RAP1GAP: variants seen among roughly 807,000 people sequenced by gnomAD.
The protein encoded by RAP1GAP is RAP1 GTPase activating protein.
In RAP1GAP, 35 loss-of-function variants were observed where a neutral mutation model predicts 87.2. The observed-to-expected ratio is 0.40, with a 90% confidence interval of 0.31 to 0.53. The LOEUF (loss-of-function observed/expected upper bound fraction) is 0.53, where lower values mean the gene tolerates loss of function less well. Ranked by LOEUF, RAP1GAP falls within the 20% of genes least tolerant of loss-of-function variation. The pLI is 0.48. For missense variants in RAP1GAP, 734 were observed against 898.9 expected (o/e 0.82, Z 2.35); for synonymous variants, 375 against 363.9 (o/e 1.03, Z -0.35).
At position 21,609,330 on chromosome 1, in the gene RAP1GAP, G is replaced by A. The variant is rs2076746044; in HGVS notation, c.1071+245C>T. ...ACTGTCAGAAAGAGAACAGAAATGA[G>A]GAGAGGCCAGTCTACTATGGAAAGT... On this transcript the variant is annotated intron_variant, in intron 15 of 24. Transcript: ENST00000374765. This position sits in a 1 kb window ranked among gnomAD's most constrained non-coding sequence, Gnocchi z 4.4. Among the ~76,000 whole-genome samples, 1 of 151,884 alleles carries A rather than the reference G, an allele frequency of 6.6e-6. No homozygotes were observed.
At chr1:21,628,400 TAAAAA>T (rs528098037) in intron 2 of RAP1GAP, among the ~76,000 whole-genome samples, 5,205 of 51,108 alleles carry the variant, frequency 0.1, 206 homozygotes, top group Admixed American at 0.15. Flanking sequence ...CCATCTCTAC[TAAAAA>T]AAAAAAAAAA....
chr1:21,656,014 G>T (rs1342467887), intron 1 of RAP1GAP, among the ~76,000 whole-genome samples: 1 of 152,258 alleles, frequency 6.6e-6, no homozygotes, highest in African/African-American at 2.4e-5. Flanking sequence ...GGCAGGAGAG[G>T]AGGCGTCTGG....
At position 21,615,495 on chromosome 1, in the gene RAP1GAP, G is replaced by A. The variant is rs145358087; in HGVS notation, c.292-1406C>T. Among the ~76,000 whole-genome samples the A allele has an allele frequency of 0.012, 1,789 of 152,092 alleles. 48 individuals are homozygous for A. Among genetic ancestry groups the A allele is most frequent in the African/African-American group, 0.041 (1,712 of 41,474 alleles). ...CAATCTCCACCTCCCAGGTTCAAGC[G>A]ATTCTCCTGCCTCAGCCTCCTGAGT... On this transcript the variant is annotated intron_variant, in intron 7 of 24. Transcript: ENST00000374765. This position sits in a 1 kb window ranked among gnomAD's most constrained non-coding sequence, Gnocchi z 4.5.
intron 20 of RAP1GAP, 142 bp from the exon 21 acceptor site, chr1:21,599,759 C>T (rs1570400840): frequency 1.7e-6 from 2 of 1,165,164 alleles, no homozygotes; most frequent in Non-Finnish European, 2.3e-6. Flanking sequence ...GATCCTTGGG[C>T]CTCTGAGCCC....
At chr1:21,619,373 G>T (rs2084962492) in intron 4 of RAP1GAP, among the ~76,000 whole-genome samples, 2 of 151,880 alleles carry the variant, frequency 1.3e-5, no homozygotes, top group Non-Finnish European at 2.9e-5. Flanking sequence ...GGCGGGTGGG[G>T]GGACTGTTAT....
chr1:21,613,513 C>A lies in RAP1GAP; in HGVS notation c.474+115G>T, dbSNP rs537509622. Reference sequence around the variant, plus strand: ...AGTGAGAGACAGCCTCAGGATAGGGCGGCAGGCCAGGGCTAGGGCCTACAG... The same window carrying A: ...AGTGAGAGACAGCCTCAGGATAGGGAGGCAGGCCAGGGCTAGGGCCTACAG... On this transcript the variant is annotated intron_variant, in intron 9 of 24. Coordinates refer to ENST00000374765, the MANE Select transcript of RAP1GAP (RefSeq NM_002885.4). The surrounding 1 kb of genome is among the most constrained non-coding windows in gnomAD (Gnocchi z 4.7). The A allele has an allele frequency of 2.0e-6, 2 of 1,005,880 alleles. No homozygotes were observed. Among genetic ancestry groups the A allele is most frequent in the East Asian group, 2.4e-5 (1 of 42,030 alleles). 62.3% of individuals were successfully genotyped at this position (1,005,880 alleles called of 1,614,324 possible). A position where few individuals can be genotyped will look rare whatever the true frequency, so the allele number is the denominator to read the frequency against.
At chr1:21,623,828 C>CG (rs2090371558) in intron 3 of RAP1GAP, among the ~76,000 whole-genome samples, 3 of 152,214 alleles carry the variant, frequency 2.0e-5, no homozygotes, top group Admixed American at 6.5e-5. Context: ...ACACTGCCCC[C>CG]GGGGGAGGCG....
chr1:21,611,605 C>T (rs775352985), intron 12 of RAP1GAP, 24 bp from the exon 13 acceptor site: 78 of 1,613,854 alleles, frequency 4.8e-5, no homozygotes, highest in Non-Finnish European at 6.0e-5. Flanking sequence ...CCCCAGGCCA[C>T]GCCTCAGTCT....
At chr1:21,627,362 A>G (rs1037265583) in intron 2 of RAP1GAP, among the ~76,000 whole-genome samples, 5 of 151,368 alleles carry the variant, frequency 3.3e-5, no homozygotes. Context: ...GACCCGAAAA[A>G]GTCTGGCCCA....
At chr1:21,661,203 G>A (rs966679052) in intron 1 of RAP1GAP, among the ~76,000 whole-genome samples, 2 of 150,262 alleles carry the variant, frequency 1.3e-5, no homozygotes, top group African/African-American at 4.9e-5. Flanking sequence ...ACTGAGCTGA[G>A]ATCGCACCAC....
At chr1:21,633,388 C>A (rs1558791559) in intron 2 of RAP1GAP, among the ~76,000 whole-genome samples, 1 of 152,220 alleles carries the variant, frequency 6.6e-6, no homozygotes, top group Non-Finnish European at 1.5e-5. Flanking sequence ...TCACAGGCAC[C>A]CCCCCTCTGC....
chr1:21,631,174 C>T (rs1003769416), intron 2 of RAP1GAP, among the ~76,000 whole-genome samples: 1 of 152,208 alleles, frequency 6.6e-6, no homozygotes, highest in Non-Finnish European at 1.5e-5. Flanking sequence ...ATCCCTTCCC[C>T]ACGTCTCCAA....
chr1:21,646,083 G>C (rs2096028774), intron 2 of RAP1GAP, among the ~76,000 whole-genome samples: 1 of 152,236 alleles, frequency 6.6e-6, no homozygotes, highest in African/African-American at 2.4e-5. Context: ...ATGGACAGTA[G>C]TAAGGGACAA....
chr1:21,667,426 A>G (rs1490363446), intron 1 of RAP1GAP, among the ~76,000 whole-genome samples: 2 of 152,204 alleles, frequency 1.3e-5, no homozygotes, highest in African/African-American at 4.8e-5. Flanking sequence ...CTTGGGAAGA[A>G]GAGAAGAGGA....
chr1:21,664,480 C>A (rs765341724), intron 1 of RAP1GAP, among the ~76,000 whole-genome samples: 7 of 152,192 alleles, frequency 4.6e-5, no homozygotes, highest in Non-Finnish European at 1.0e-4. Context: ...ATGAATCCAA[C>A]CCAGTGTCCA....
At chr1:21,652,225 G>A (rs551874291) in intron 1 of RAP1GAP, among the ~76,000 whole-genome samples, 1 of 151,792 alleles carries the variant, frequency 6.6e-6, no homozygotes, top group African/African-American at 2.4e-5. Context: ...ATCACGAGCT[G>A]GGAGCTCCCT....
intron 2 of RAP1GAP, among the ~76,000 whole-genome samples, chr1:21,629,282 G>C (rs1324451158): frequency 1.3e-5 from 2 of 152,146 alleles, no homozygotes; most frequent in African/African-American, 4.8e-5. Context: ...GCTGTTGCTT[G>C]TGATCAGGCT....
At chr1:21,610,381 C>G in intron 13 of RAP1GAP, 106 bp from the exon 14 acceptor site, 1 of 1,210,826 alleles carries the variant, frequency 8.3e-7, no homozygotes, top group Non-Finnish European at 1.2e-6. Context: ...GAGGGCACAT[C>G]TAAGGATTTG....
chr1:21,602,030 C>T lies in RAP1GAP; in HGVS notation c.1539-233G>A, dbSNP rs1401357525. Among the ~76,000 whole-genome samples the T allele has an allele frequency of 4.6e-5, 7 of 152,326 alleles. No individual in the cohort carries two copies. The East Asian group carries it at 1.4e-3, about 29-fold the overall frequency. ...GATGGGACTCCTCCCAGGTCCTCTC[C>T]ACAGGAGCAGGTATAGCTGTCCCAT... On this transcript the variant is annotated intron_variant, in intron 19 of 24. Transcript: ENST00000374765.
Sources: gnomAD v4.1 joint callset for allele counts (sites outside exome capture counted in the v4.1 genomes callset) on GRCh38, gnomAD v4.1.1 for gene constraint, Gnocchi (gnomAD v3.1) non-coding constraint, MANE v1.5 for transcripts, NCBI Gene and HGNC (gene_info 2026-07-23, HGNC 2026-07-21) for gene names.